Variants in CACNA1A observed in about 807,000 individuals in gnomAD.
The protein encoded by CACNA1A is voltage-dependent P/Q-type calcium channel subunit alpha-1A.
In CACNA1A, 57 loss-of-function variants were observed where a neutral mutation model predicts 262.4. The ratio of observed to expected loss-of-function variants is 0.22; its 90% CI spans 0.18 to 0.27. The LOEUF (loss-of-function observed/expected upper bound fraction) is 0.27, where lower values mean the gene tolerates loss of function less well. CACNA1A is among the 10% of genes least tolerant of loss of function. The pLI, the probability that CACNA1A is intolerant of heterozygous loss-of-function variation, is 1.00. For missense variants in CACNA1A, 2,526 were observed against 3,562.8 expected (o/e 0.71, Z 7.41); for synonymous variants, 1,431 against 1,419.3 (o/e 1.01, Z -0.18).
intron 12 of CACNA1A, among the ~76,000 whole-genome samples, chr19:13,309,275 T>C (rs900845331): frequency 2.6e-5 from 4 of 152,150 alleles, no homozygotes; most frequent in African/African-American, 7.2e-5. Context: ...CCCAAAGTGC[T>C]GGGATTACAG....
Position 13,300,540 on chromosome 19 carries a change from G to A in CACNA1A, c.2279+10C>T, listed in dbSNP as rs763250732. 1 of 1,586,796 alleles carries A rather than the reference G, an allele frequency of 6.3e-7. No homozygotes were observed. Among genetic ancestry groups the A allele is most frequent in the Non-Finnish European group, 8.7e-7 (1 of 1,155,280 alleles). On this transcript the variant is annotated intron_variant, in intron 18 of 46. Coordinates refer to ENST00000360228, the MANE Select transcript of CACNA1A (RefSeq NM_001127222.2). Reference sequence around the variant, plus strand: ...GCCAGGGTAGCATCCCAGGGATTAGGGGCACTTACACAGCTATAGACATGT... The same window carrying A: ...GCCAGGGTAGCATCCCAGGGATTAGAGGCACTTACACAGCTATAGACATGT...
chr19:13,318,315 T>G (rs1056355268), intron 10 of CACNA1A, among the ~76,000 whole-genome samples: 4 of 152,112 alleles, frequency 2.6e-5, no homozygotes, highest in African/African-American at 9.7e-5. Flanking sequence ...CCGACATTTT[T>G]GGGGAAGAGC....
chr19:13,494,955 T>G (rs903527585), intron 1 of CACNA1A, among the ~76,000 whole-genome samples: 1 of 152,084 alleles, frequency 6.6e-6, no homozygotes, highest in Non-Finnish European at 1.5e-5. Context: ...CAATCAGTAA[T>G]CTGTAATCTC....
At position 13,223,233 on chromosome 19, in the gene CACNA1A, A is replaced by C. The variant is rs1245630211; in HGVS notation, c.5731+1434T>G. Among the ~76,000 whole-genome samples the C allele has an allele frequency of 3.3e-5, 5 of 151,802 alleles. No homozygotes were observed. The East Asian group carries it at 9.8e-4, about 30-fold the overall frequency. On this transcript the variant is annotated intron_variant, in intron 38 of 46. Transcript: ENST00000360228. Reference sequence around the variant, plus strand: ...TTTTGAGACAGAGTCTTGCTCTGTCACCCAGGCTGTAGTGCAGTGGCGTGA... The same window carrying C: ...TTTTGAGACAGAGTCTTGCTCTGTCCCCCAGGCTGTAGTGCAGTGGCGTGA...
intron 1 of CACNA1A, among the ~76,000 whole-genome samples, chr19:13,489,011 T>C (rs1330841595): frequency 3.3e-5 from 4 of 122,426 alleles, no homozygotes; most frequent in South Asian, 2.9e-4. Flanking sequence ...TTCTTTTTTT[T>C]TTTTTTTTTT....
intron 3 of CACNA1A, among the ~76,000 whole-genome samples, chr19:13,428,828 G>C (rs1443073617): frequency 6.6e-6 from 1 of 151,932 alleles, no homozygotes; most frequent in African/African-American, 2.4e-5. Flanking sequence ...GTATTTCTTT[G>C]CTTCTACCAT....
At chr19:13,229,648 C>T (rs1267805096) in intron 36 of CACNA1A, 2 of 156,490 alleles carry the variant, frequency 1.3e-5, no homozygotes, top group African/African-American at 4.8e-5. Flanking sequence ...AGTTCTGCTA[C>T]TCTGATGTTG....
At chr19:13,362,455 G>C (rs755933490) in intron 5 of CACNA1A, 1 of 152,056 alleles carries the variant, frequency 6.6e-6, no homozygotes, top group African/African-American at 2.4e-5. Flanking sequence ...CGCCTGCCTC[G>C]GCCTCCCAAA....
intron 1 of CACNA1A, among the ~76,000 whole-genome samples, chr19:13,485,325 T>C (rs1401249571): frequency 6.6e-6 from 1 of 152,072 alleles, no homozygotes; most frequent in Non-Finnish European, 1.5e-5. Context: ...AGGGTAGAAA[T>C]GATTTTCTTA....
chr19:13,212,827 T>TATACAC lies in CACNA1A; in HGVS notation c.5941-88_5941-87insGTGTAT. 3 of 517,662 alleles carry TATACAC rather than the reference T, an allele frequency of 5.8e-6. No homozygotes were observed. The highest frequency in any genetic ancestry group is 3.3e-5 in the East Asian group (1 of 30,708). 32.1% of individuals were successfully genotyped at this position (517,662 alleles called of 1,614,324 possible). A position where few individuals can be genotyped will look rare whatever the true frequency, so the allele number is the denominator to read the frequency against. ...AGAAGGCATTGCGACATCCCCAGTATACACACACACACACACACACACTCT... is the reference window on the plus strand; with the variant it reads ...AGAAGGCATTGCGACATCCCCAGTATATACACACACACACACACACACACACACTCT... On this transcript the variant is annotated intron_variant, in intron 40 of 46. Coordinates refer to ENST00000360228, the MANE Select transcript of CACNA1A (RefSeq NM_001127222.2). This position sits in a 1 kb window ranked among gnomAD's most constrained non-coding sequence, Gnocchi z 5.6.
At chr19:13,344,736 T>TTTTATTTA (rs5827191) in intron 6 of CACNA1A, among the ~76,000 whole-genome samples, 137 of 136,300 alleles carry the variant, frequency 1.0e-3, no homozygotes, top group Middle Eastern at 3.8e-3. Flanking sequence ...GGATCATTTA[T>TTTTATTTA]TTTATTTATT....
intron 3 of CACNA1A, among the ~76,000 whole-genome samples, chr19:13,383,098 G>A (rs1190605967): frequency 1.3e-5 from 2 of 152,204 alleles, no homozygotes; most frequent in Admixed American, 6.5e-5. Flanking sequence ...GGACCACGGA[G>A]TGATGTTCAT....
intron 10 of CACNA1A, among the ~76,000 whole-genome samples, chr19:13,319,456 T>C (rs1018504360): frequency 6.6e-6 from 1 of 152,158 alleles, no homozygotes; most frequent in Admixed American, 6.6e-5. Context: ...TTTGCTCATT[T>C]GTTTCTCCAT....
chr19:13,460,678 C>T (rs1428410446), intron 1 of CACNA1A, among the ~76,000 whole-genome samples: 4 of 152,194 alleles, frequency 2.6e-5, no homozygotes, highest in East Asian at 3.9e-4. Flanking sequence ...CACTCAGCTA[C>T]AGCAACGCCG....
intron 17 of CACNA1A, among the ~76,000 whole-genome samples, chr19:13,301,173 C>T (rs1274670619): frequency 6.8e-6 from 1 of 148,018 alleles, no homozygotes; most frequent in East Asian, 2.0e-4. Flanking sequence ...CCAGGCTGGT[C>T]TTGAACTTCT....
chr19:13,458,169 T>A (rs974391110), intron 1 of CACNA1A, among the ~76,000 whole-genome samples: 6 of 152,152 alleles, frequency 3.9e-5, no homozygotes, highest in Non-Finnish European at 5.9e-5. Context: ...TTACTTTTAT[T>A]TTTTTAAAGA....
At chr19:13,358,037 A>C (rs1452740759) in intron 6 of CACNA1A, among the ~76,000 whole-genome samples, 1 of 152,068 alleles carries the variant, frequency 6.6e-6, no homozygotes, top group Non-Finnish European at 1.5e-5. Context: ...CTTCCCCAAA[A>C]ATAAAATTAT....
At chr19:13,419,326 G>T (rs2060277697) in intron 3 of CACNA1A, among the ~76,000 whole-genome samples, 2 of 152,214 alleles carry the variant, frequency 1.3e-5, no homozygotes, top group African/African-American at 4.8e-5. Flanking sequence ...TTTGTGTTAA[G>T]TTCTCTACAT....
At chr19:13,224,925 TCA>T (rs1260269032) in intron 37 of CACNA1A, 153 bp from the exon 38 acceptor site, 5 of 573,806 alleles carry the variant, frequency 8.7e-6, no homozygotes, top group Non-Finnish European at 1.6e-5. Flanking sequence ...GTCCCAGTAC[TCA>T]GTTTCTCTTG....
Sources: gnomAD v4.1 joint callset for allele counts (sites outside exome capture counted in the v4.1 genomes callset) on GRCh38, gnomAD v4.1.1 for gene constraint, Gnocchi (gnomAD v3.1) non-coding constraint, MANE v1.5 for transcripts, NCBI Gene and HGNC (gene_info 2026-07-23, HGNC 2026-07-21) for gene names.